The following PTPRQ variants were observed in gnomAD, a reference collection of about 807,000 sequenced individuals.
PTPRQ encodes protein tyrosine phosphatase receptor type Q, also known as phosphatidylinositol phosphatase PTPRQ.
In PTPRQ, 199 loss-of-function variants were observed where a neutral mutation model predicts 246.0. The ratio of observed to expected loss-of-function variants is 0.81; its 90% CI spans 0.72 to 0.91. The LOEUF is 0.91. Ranked by LOEUF, PTPRQ falls within the 40% of genes least tolerant of loss-of-function variation. The probability of loss-of-function intolerance (pLI) is 0.00; values close to 1 mark genes in which losing one functional copy is unlikely to be tolerated. For missense variants in PTPRQ, 2,624 were observed against 2,528.4 expected (o/e 1.04, Z -0.81); for synonymous variants, 869 against 853.2 (o/e 1.02, Z -0.32).
At chr12:80,482,079 G>A (rs1452440006) in intron 8 of PTPRQ, among the ~76,000 whole-genome samples, 1 of 151,626 alleles carries the variant, frequency 6.6e-6, no homozygotes, top group African/African-American at 2.4e-5. Context: ...TCAATCCTAA[G>A]CCAAAAGAAC....
chr12:80,454,095 C>T (rs1451035798), intron 3 of PTPRQ, among the ~76,000 whole-genome samples: 3 of 109,332 alleles, frequency 2.7e-5, no homozygotes, highest in African/African-American at 1.0e-4. Context: ...CACCCAGCCT[C>T]GCTGCCACCT....
chr12:80,449,094 G>A (rs184349169), intron 3 of PTPRQ, among the ~76,000 whole-genome samples: 71 of 151,684 alleles, frequency 4.7e-4, no homozygotes, highest in African/African-American at 1.6e-3. Context: ...GTATCTCATT[G>A]TGGTTTTGAT....
At chr12:80,533,230 C>T (rs990027842) in intron 17 of PTPRQ, among the ~76,000 whole-genome samples, 1 of 151,884 alleles carries the variant, frequency 6.6e-6, no homozygotes, top group African/African-American at 2.4e-5. Context: ...AGATATTAAT[C>T]TATACCCAGT....
At chr12:80,642,192 A>G (rs1163034) in intron 35 of PTPRQ, among the ~76,000 whole-genome samples, 2,757 of 152,216 alleles carry the variant, frequency 0.018, 71 homozygotes, top group African/African-American at 0.063. Flanking sequence ...CAGTTTTCTG[A>G]GGTTGCTTCT....
chr12:80,569,469 G>A (rs1474561652), intron 25 of PTPRQ, among the ~76,000 whole-genome samples: 1 of 151,028 alleles, frequency 6.6e-6, no homozygotes, highest in Non-Finnish European at 1.5e-5. Context: ...CAGCACACCA[G>A]CATGGCACAT....
At chr12:80,607,988 G>A (rs1898391496) in intron 27 of PTPRQ, among the ~76,000 whole-genome samples, 1 of 150,764 alleles carries the variant, frequency 6.6e-6, no homozygotes, top group Non-Finnish European at 1.5e-5. Context: ...GAGGTATGAA[G>A]TTTTGTGGGG....
intron 3 of PTPRQ, among the ~76,000 whole-genome samples, chr12:80,457,148 GTTTT>G (rs1015157022): frequency 1.3e-5 from 2 of 151,840 alleles, no homozygotes; most frequent in African/African-American, 4.8e-5. Context: ...TTTTAAAACA[GTTTT>G]TTGAGTATTT....
Position 80,610,626 on chromosome 12 carries a change from G to A in PTPRQ, c.4918+1G>A, listed in dbSNP as rs1291408464. On this transcript the variant is annotated splice_donor_variant, in intron 28 of 44. Coordinates refer to ENST00000644991, the MANE Select transcript of PTPRQ (RefSeq NM_001145026.2). LOFTEE classifies it high-confidence loss of function. ...ATGATTGTTACTACTTTAGAATCAG[G>A]TAAGGAGAATTTCTCAACCTTGCTA... 4 of 1,541,116 alleles carry A rather than the reference G, an allele frequency of 2.6e-6. No individual in the cohort carries two copies. The East Asian group carries it at 7.4e-5, about 28-fold the overall frequency.
chr12:80,647,270 A>G (rs1431542937), intron 35 of PTPRQ, among the ~76,000 whole-genome samples: 1 of 152,206 alleles, frequency 6.6e-6, no homozygotes, highest in Non-Finnish European at 1.5e-5. Context: ...CTGTTATTAT[A>G]AAAGTTATTT....
intron 3 of PTPRQ, among the ~76,000 whole-genome samples, chr12:80,452,841 G>T (rs1051931980): frequency 6.6e-6 from 1 of 151,940 alleles, no homozygotes; most frequent in Non-Finnish European, 1.5e-5. Context: ...ACAATTATGT[G>T]TCTTGGAGTC....
chr12:80,591,712 G>T (rs1322328594), intron 26 of PTPRQ, among the ~76,000 whole-genome samples: 5 of 152,098 alleles, frequency 3.3e-5, no homozygotes, highest in Non-Finnish European at 5.9e-5. Context: ...ATAAATAAAT[G>T]CCCAGAGAAC....
chr12:80,614,106 T>C (rs956548528), intron 29 of PTPRQ, among the ~76,000 whole-genome samples: 31 of 150,542 alleles, frequency 2.1e-4, no homozygotes, highest in African/African-American at 7.0e-4. Flanking sequence ...AAATGCACAT[T>C]AAAAGTAAAA....
rs143716581 is a variant in PTPRQ, at chr12:80,672,861, A to C, written c.6603-308A>C. 4.8e-3 allele frequency among the ~76,000 whole-genome samples: 731 copies of C among 151,806 alleles called. 5 individuals are homozygous for C. The highest frequency in any genetic ancestry group is 0.02 in the Middle Eastern group (6 of 294). ...GAGTCTCTGGTATTAAGAATTTTCA[A>C]TGATTTTAAAAAAATCTCTATACTT... On this transcript the variant is annotated intron_variant, in intron 42 of 44. Coordinates refer to ENST00000644991, the MANE Select transcript of PTPRQ (RefSeq NM_001145026.2).
chr12:80,676,712 G>T (rs1901156842), intron 43 of PTPRQ, among the ~76,000 whole-genome samples: 1 of 151,914 alleles, frequency 6.6e-6, no homozygotes, highest in African/African-American at 2.4e-5. Context: ...CTTTATGAGA[G>T]AACTCTCTGT....
In PTPRQ at chr12:80,588,319, T is replaced by C; in HGVS notation, c.4476T>C (p.Tyr1492=). The C allele has an allele frequency of 6.4e-7, 1 of 1,551,558 alleles. No individual in the cohort carries two copies. The highest frequency in any genetic ancestry group is 8.7e-7 in the Non-Finnish European group (1 of 1,146,904). Residue 1492 remains tyrosine, a synonymous_variant, in exon 26 of 45, where the codon TAT becomes TAC. Transcript: ENST00000644991. ...CVEYQKIQYL[Y]EAHLTEETVY... The stretch of plus-strand genomic sequence containing the variant: ...AATATCAAAAAATTCAATACCTCTA[T>C]GAAGCTCACTTAACTGAAGAGACAG...
chr12:80,652,618 G>C, intron 37 of PTPRQ, 126 bp from the exon 38 acceptor site: 1 of 927,344 alleles, frequency 1.1e-6, no homozygotes, highest in Non-Finnish European at 1.5e-6. Context: ...TGTTTCCACA[G>C]TTATGATAGG....
At chr12:80,678,774 G>A (rs763247443) in intron 44 of PTPRQ, 49 bp downstream of exon 44, 18 of 1,488,904 alleles carry the variant, frequency 1.2e-5, no homozygotes, top group Non-Finnish European at 1.3e-5. Context: ...TACCACCTAC[G>A]GTAAGAACAT....
intron 39 of PTPRQ, among the ~76,000 whole-genome samples, chr12:80,658,657 G>A (rs943361537): frequency 3.3e-5 from 5 of 151,842 alleles, no homozygotes; most frequent in African/African-American, 7.3e-5. Context: ...TTCCTAAGAC[G>A]GGATTCTATC....
intron 27 of PTPRQ, among the ~76,000 whole-genome samples, chr12:80,609,182 A>G (rs757266599): frequency 2.7e-5 from 4 of 150,306 alleles, no homozygotes; most frequent in Non-Finnish European, 4.5e-5. Flanking sequence ...TTAAAAAAAA[A>G]TTGAGTTAAT....
Sources: gnomAD v4.1 joint callset for allele counts (sites outside exome capture counted in the v4.1 genomes callset) on GRCh38, gnomAD v4.1.1 for gene constraint, MANE v1.5 for transcripts, NCBI Gene and HGNC (gene_info 2026-07-23, HGNC 2026-07-21) for gene names.